The following IL1RAPL2 variants were observed in gnomAD, a reference collection of about 807,000 sequenced individuals.
IL1RAPL2 encodes the protein interleukin 1 receptor accessory protein like 2, also known as X-linked interleukin-1 receptor accessory protein-like 2.
IL1RAPL2 carries 3 observed loss-of-function variants against 44.1 expected under a neutral mutation model. The ratio of observed to expected loss-of-function variants is 0.07; its 90% CI spans 0.03 to 0.18. The LOEUF (loss-of-function observed/expected upper bound fraction) is 0.18, where lower values mean the gene tolerates loss of function less well. Among genes scored for constraint, IL1RAPL2 ranks in the 10% least tolerant of loss-of-function variants. The pLI is 1.00. For missense variants in IL1RAPL2, 391 were observed against 496.4 expected (o/e 0.79, Z 2.02); for synonymous variants, 181 against 178.8 (o/e 1.01, Z -0.10).
rs1284820576 is a variant in IL1RAPL2, at chrX:105,542,716, TTTA to T, written c.772+58332_772+58334del. Among the ~76,000 whole-genome samples, 8 of 93,600 alleles carry T rather than the reference TTTA, an allele frequency of 8.5e-5. 1 individual carries two copies. The highest frequency in any genetic ancestry group is 1.6e-4 in the Non-Finnish European group (7 of 44,956). The allele number at this position is 93,600 out of a possible 115,157, so 81.3% of individuals were successfully genotyped here. ...TTTTATTTATTTATTTATTTATTTATTTATTTATTTATTTAATTTATTATTTTT... is the reference window on the plus strand; with the variant it reads ...TTTTATTTATTTATTTATTTATTTATTTTATTTATTTAATTTATTATTTTT... On this transcript the variant is annotated intron_variant, in intron 6 of 10. Transcript: ENST00000372582.
In IL1RAPL2 at chrX:105,366,954, A is replaced by G. The variant is rs189702934; in HGVS notation, c.697+99413A>G. On this transcript the variant is annotated intron_variant, in intron 5 of 10. Coordinates refer to ENST00000372582, the MANE Select transcript of IL1RAPL2 (RefSeq NM_017416.2). ...TGGGGTGCTTAAGTCTTCTGCTATT[A>G]TTGAATTATAATTTATCTCTCCATT... is the stretch of plus-strand genomic sequence containing the variant. 4.5e-3 allele frequency among the ~76,000 whole-genome samples: 505 copies of G among 111,631 alleles called. 1 individual carries two copies. The highest frequency in any genetic ancestry group is 0.018 in the Middle Eastern group (4 of 217).
At chrX:104,590,962 A>C in intron 1 of IL1RAPL2, among the ~76,000 whole-genome samples, 1 of 111,647 alleles carries the variant, frequency 9.0e-6, no homozygotes, top group South Asian at 3.8e-4. Context: ...TTTTGAAGTT[A>C]GTCCCAGATC....
intron 2 of IL1RAPL2, among the ~76,000 whole-genome samples, chrX:104,815,169 A>C (rs931125143): frequency 1.8e-5 from 2 of 111,750 alleles, no homozygotes; most frequent in Non-Finnish European, 3.8e-5. Flanking sequence ...TAATTGGGAT[A>C]GGGAAAGGGG....
chrX:105,464,540 T>C (rs1226238360), intron 5 of IL1RAPL2, among the ~76,000 whole-genome samples: 1 of 111,569 alleles, frequency 9.0e-6, no homozygotes, highest in African/African-American at 3.3e-5. Flanking sequence ...AAAACACTTC[T>C]AATATTAAAC....
rs148103244 is a variant in IL1RAPL2, at chrX:105,337,982, A to G, written c.697+70441A>G. Among the ~76,000 whole-genome samples, 992 of 112,272 alleles carry G rather than the reference A, an allele frequency of 8.8e-3. 14 individuals are homozygous for G. Among genetic ancestry groups the G allele is most frequent in the African/African-American group, 0.03 (913 of 30,930 alleles). On this transcript the variant is annotated intron_variant, in intron 5 of 10. Coordinates refer to ENST00000372582, the MANE Select transcript of IL1RAPL2 (RefSeq NM_017416.2). Reference sequence around the variant, plus strand: ...CATTTCCAAAAGTATCAATAGCTTCAGATATATTTAGAACTTTCAACAAAC... The same window carrying G: ...CATTTCCAAAAGTATCAATAGCTTCGGATATATTTAGAACTTTCAACAAAC...
intron 4 of IL1RAPL2, among the ~76,000 whole-genome samples, chrX:105,253,534 A>G (rs1484505099): frequency 9.1e-6 from 1 of 110,392 alleles, no homozygotes; most frequent in East Asian, 2.8e-4. Context: ...GAAATATAAA[A>G]TTTCTGCCAT....
At chrX:105,048,228 G>A (rs1351659044) in intron 2 of IL1RAPL2, among the ~76,000 whole-genome samples, 1 of 111,913 alleles carries the variant, frequency 8.9e-6, no homozygotes, top group Non-Finnish European at 1.9e-5. Flanking sequence ...GGATGCAAAT[G>A]ACAGGGGAAG....
chrX:104,783,333 C>T (rs1932783755), intron 2 of IL1RAPL2, among the ~76,000 whole-genome samples: 1 of 110,861 alleles, frequency 9.0e-6, no homozygotes, highest in Admixed American at 9.7e-5. Flanking sequence ...GTTTCCTCTG[C>T]AAACAGATCG....
At chrX:104,583,933 A>G (rs1388877660) in intron 1 of IL1RAPL2, among the ~76,000 whole-genome samples, 3 of 111,663 alleles carry the variant, frequency 2.7e-5, no homozygotes, top group Non-Finnish European at 5.6e-5. Context: ...AATTCTCCTT[A>G]CAATAACATC....
intron 6 of IL1RAPL2, among the ~76,000 whole-genome samples, chrX:105,684,747 C>A (rs190913190): frequency 8.9e-6 from 1 of 112,211 alleles, no homozygotes; most frequent in African/African-American, 3.2e-5. Flanking sequence ...CCCTGACCCA[C>A]GAGTAGCCTA....
intron 2 of IL1RAPL2, among the ~76,000 whole-genome samples, chrX:104,915,756 G>T (rs1231656009): frequency 8.9e-6 from 1 of 111,762 alleles, no homozygotes; most frequent in African/African-American, 3.3e-5. Flanking sequence ...TAAGGTGTAA[G>T]GAAGGGATCC....
intron 3 of IL1RAPL2, among the ~76,000 whole-genome samples, chrX:105,217,195 A>G (rs1267717893): frequency 2.7e-5 from 3 of 109,151 alleles, no homozygotes; most frequent in African/African-American, 1.0e-4. Context: ...AATTTTTGCA[A>G]TCTACTCATC....
intron 6 of IL1RAPL2, among the ~76,000 whole-genome samples, chrX:105,651,924 G>A (rs765133467): frequency 2.7e-5 from 3 of 111,696 alleles, no homozygotes; most frequent in Non-Finnish European, 3.8e-5. Context: ...ATGAGAAAAT[G>A]TGATCCCATA....
chrX:105,034,128 A>G (rs2031573013), intron 2 of IL1RAPL2, among the ~76,000 whole-genome samples: 1 of 110,125 alleles, frequency 9.1e-6, no homozygotes, highest in African/African-American at 3.3e-5. Flanking sequence ...CATTCATCTA[A>G]TTTTTTTTCA....
intron 1 of IL1RAPL2, among the ~76,000 whole-genome samples, chrX:104,613,892 T>C (rs1929217897): frequency 9.4e-6 from 1 of 106,069 alleles, no homozygotes; most frequent in African/African-American, 3.5e-5. Context: ...CTGTTCAGAG[T>C]TTCAATTTCT....
At chrX:105,540,701 A>G (rs2036714067) in intron 6 of IL1RAPL2, among the ~76,000 whole-genome samples, 1 of 100,405 alleles carries the variant, frequency 1.0e-5, no homozygotes, top group Non-Finnish European at 2.0e-5. Flanking sequence ...AGGTATCTCA[A>G]AATAAAAATT....
chrX:104,647,456 G>A, intron 1 of IL1RAPL2: 1 of 604,333 alleles, frequency 1.7e-6, no homozygotes, highest in Admixed American at 2.3e-5. Flanking sequence ...GGCTTCCACT[G>A]CTTCTGTGAA....
rs772724681 is a variant in IL1RAPL2 at position 105,301,542 on chromosome X, G to A, written c.697+34001G>A. ...CTCCCACTATCTTTCCAAGACTCTA[G>A]TAACCATCCTTCTATTCTCTATCTC... is the stretch of plus-strand genomic sequence containing the variant. On this transcript the variant is annotated intron_variant, in intron 5 of 10. Transcript: ENST00000372582. 6.4e-5 allele frequency among the ~76,000 whole-genome samples: 7 copies of A among 109,167 alleles called. No individual in the cohort carries two copies. In the Admixed American group the frequency reaches 6.9e-4, roughly 11 times the overall value. 94.8% of individuals were successfully genotyped at this position (109,167 alleles called of 115,157 possible). A position where few individuals can be genotyped will look rare whatever the true frequency, so the allele number is the denominator to read the frequency against.
At chrX:105,059,819 G>A (rs1277711146) in intron 2 of IL1RAPL2, among the ~76,000 whole-genome samples, 2 of 112,095 alleles carry the variant, frequency 1.8e-5, no homozygotes, top group Admixed American at 1.9e-4. Flanking sequence ...GTGAGGCACC[G>A]TGCCCAGCCC....
Sources: allele counts gnomAD v4.1 joint callset (sites outside exome capture counted in the v4.1 genomes callset), GRCh38; gene constraint gnomAD v4.1.1; transcripts MANE v1.5; gene names NCBI Gene and HGNC (gene_info 2026-07-23, HGNC 2026-07-21).